Variants in CNGA3 observed in about 807,000 individuals in gnomAD.
CNGA3 encodes the protein cyclic nucleotide gated channel subunit alpha 3, also known as cyclic nucleotide-gated channel alpha-3.
Under a neutral mutation model 46.6 loss-of-function variants are expected in CNGA3, and 42 were observed. The observed-to-expected ratio is 0.90, with a 90% CI of 0.70 to 1.17. CNGA3 has a LOEUF of 1.17. CNGA3 is among the 50% of genes most tolerant of loss of function. The pLI, the probability that CNGA3 is intolerant of heterozygous loss-of-function variation, is 0.00. For synonymous variants in CNGA3, 394 were observed against 369.4 expected (o/e 1.07, Z -0.76); for missense variants, 893 against 890.7 (o/e 1.00, Z -0.03).
Position 98,396,840 on chromosome 2 carries a change from G to A in CNGA3, c.1670G>A (p.Gly557Glu). The A allele has an allele frequency of 1.2e-6, 2 of 1,614,170 alleles. No homozygotes were observed. Among genetic ancestry groups the A allele is most frequent in the Non-Finnish European group, 1.7e-6 (2 of 1,180,042 alleles). The change falls in exon 8 of 8, where the codon GGG (glycine) becomes GAG (glutamate). Residue 557 changes from glycine (G) to glutamate (E), a missense_variant. Physicochemically the swap from Gly to Glu is moderately conservative, Grantham distance 98. This residue lies in a region of CNGA3 where 548 missense variants were observed against 570.8 expected (regional missense o/e 0.96). Transcript: ENST00000272602. Reference sequence around the variant, plus strand: ...GAGATCAGCATTCTGAACATCAAGGGGAGCAAGTCGGGGAACCGCAGGACG... The same window carrying A: ...GAGATCAGCATTCTGAACATCAAGGAGAGCAAGTCGGGGAACCGCAGGACG... Reference protein sequence around the residue: ...FGEISILNIKGSKSGNRRTAN... With the variant: ...FGEISILNIKESKSGNRRTAN...
At chr2:98,368,422 A>C (rs1345145286) in intron 1 of CNGA3, among the ~76,000 whole-genome samples, 1 of 152,228 alleles carries the variant, frequency 6.6e-6, no homozygotes, top group Non-Finnish European at 1.5e-5. Flanking sequence ...TAGAGAAACC[A>C]TCCTCAGAAA....
At chr2:98,382,125 G>A (rs955676243) in intron 4 of CNGA3, among the ~76,000 whole-genome samples, 10 of 152,162 alleles carry the variant, frequency 6.6e-5, no homozygotes, top group Non-Finnish European at 1.2e-4. Flanking sequence ...GATCACTCGC[G>A]GGCAGGGTCA....
chr2:98,395,232 C>G (rs550793374), intron 7 of CNGA3, among the ~76,000 whole-genome samples: 2 of 151,738 alleles, frequency 1.3e-5, no homozygotes, highest in Admixed American at 1.3e-4. Context: ...TGTAGTGGTG[C>G]GATCTTGGCT....
intron 7 of CNGA3, 62 bp downstream of exon 7, chr2:98,392,032 CAGCATGGTGG>C: frequency 6.9e-7 from 1 of 1,444,104 alleles, no homozygotes; most frequent in East Asian, 2.3e-5. Flanking sequence ...CCGGGAGACC[CAGCATGGTGG>C]ATGGGACATT....
intron 1 of CNGA3, among the ~76,000 whole-genome samples, chr2:98,349,589 A>G (rs987380664): frequency 6.6e-6 from 1 of 152,184 alleles, no homozygotes; most frequent in Non-Finnish European, 1.5e-5. Flanking sequence ...AAGATGGGAG[A>G]TGAGCAAAGA....
In CNGA3 at chr2:98,396,318, T is replaced by A; in HGVS notation, c.1148T>A (p.Val383Glu). The A allele has an allele frequency of 6.2e-7, 1 of 1,611,574 alleles. No homozygotes were observed. The highest frequency in any genetic ancestry group is 8.5e-7 in the Non-Finnish European group (1 of 1,178,152). ...VKDEEYLFVV[V>E]DFLVGVLIFA... ...GATGAGGAGTATCTCTTTGTGGTCGTAGACTTCTTGGTGGGTGTTCTGATT... is the reference window on the plus strand; with the variant it reads ...GATGAGGAGTATCTCTTTGTGGTCGAAGACTTCTTGGTGGGTGTTCTGATT... The change falls in exon 8 of 8, where the codon GTA becomes GAA. Residue 383 changes from valine to glutamate, a missense_variant. Coordinates refer to ENST00000272602, the MANE Select transcript of CNGA3 (RefSeq NM_001298.3).
Position 98,366,777 on chromosome 2 carries a change from G to A in CNGA3, c.-37-3162G>A, listed in dbSNP as rs916255598. On this transcript the variant is annotated intron_variant, in intron 1 of 7. Transcript: ENST00000272602. ...GGCAGACTGGAACTCCAGTGATGGC[G>A]GCCACCCCTTTCCCCAGGAGCTCGG... Among the ~76,000 whole-genome samples the A allele has an allele frequency of 5.9e-5, 9 of 152,290 alleles. No individual in the cohort carries two copies. The Middle Eastern group carries it at 0.01, about 173-fold the overall frequency.
intron 1 of CNGA3, among the ~76,000 whole-genome samples, chr2:98,358,055 C>T (rs1691927317): frequency 6.6e-6 from 1 of 152,208 alleles, no homozygotes; most frequent in South Asian, 2.1e-4. Flanking sequence ...CCCAGGGGGC[C>T]CTGGCTAGAT....
intron 6 of CNGA3, 27 bp downstream of exon 6, chr2:98,389,801 C>T (rs775736111): frequency 1.6e-5 from 26 of 1,587,030 alleles, no homozygotes; most frequent in Middle Eastern, 2.2e-4. Context: ...GAAGGTGCAG[C>T]GGAAAGGGGG....
intron 5 of CNGA3, among the ~76,000 whole-genome samples, chr2:98,386,058 T>A (rs1692647006): frequency 6.6e-6 from 1 of 152,100 alleles, no homozygotes. Context: ...TGTAATAGGG[T>A]CTTATTACAT....
At position 98,378,230 on chromosome 2, in the gene CNGA3, T is replaced by C. The variant is rs1338083938; in HGVS notation, c.215+430T>C. 22 of 1,541,722 alleles carry C rather than the reference T, an allele frequency of 1.4e-5. No homozygotes were observed. The East Asian group carries it at 4.2e-4, about 29-fold the overall frequency. ...GTCTGGACCCCAGGGCAGGTAGGTG[T>C]CCTTGCAAAAGCATTTGTTTGCAAG... On this transcript the variant is annotated intron_variant, in intron 3 of 7. Transcript: ENST00000272602.
chr2:98,349,976 A>G (rs1215032767), intron 1 of CNGA3, among the ~76,000 whole-genome samples: 1 of 152,218 alleles, frequency 6.6e-6, no homozygotes, highest in Admixed American at 6.5e-5. Context: ...CAGTGATGCC[A>G]TTCAGAATAG....
chr2:98,382,429 G>A (rs763166897), intron 4 of CNGA3, among the ~76,000 whole-genome samples: 10 of 152,158 alleles, frequency 6.6e-5, no homozygotes, highest in South Asian at 6.2e-4. Context: ...CTAGAAACAA[G>A]CGGTTATGGC....
intron 1 of CNGA3, among the ~76,000 whole-genome samples, chr2:98,354,074 A>C (rs1334103658): frequency 6.6e-6 from 1 of 152,234 alleles, no homozygotes; most frequent in Non-Finnish European, 1.5e-5. Context: ...GATCCAAACC[A>C]TATCACCTAC....
intron 4 of CNGA3, among the ~76,000 whole-genome samples, chr2:98,381,110 G>A (rs978284392): frequency 8.5e-5 from 13 of 152,166 alleles, no homozygotes; most frequent in Admixed American, 7.2e-4. Flanking sequence ...AGTCTCCCCA[G>A]CAGGTGGTCT....
At chr2:98,382,910 C>A (rs7589617) in intron 4 of CNGA3, among the ~76,000 whole-genome samples, 1 of 152,106 alleles carries the variant, frequency 6.6e-6, no homozygotes, top group Non-Finnish European at 1.5e-5. Flanking sequence ...AAGAGGCCTT[C>A]GCAGCTGAGG....
Position 98,378,168 on chromosome 2 carries a change from A to G in CNGA3, c.215+368A>G, listed in dbSNP as rs1558811967. On this transcript the variant is annotated intron_variant, in intron 3 of 7. Coordinates refer to ENST00000272602, the MANE Select transcript of CNGA3 (RefSeq NM_001298.3). The stretch of plus-strand genomic sequence containing the variant: ...TGGTGTGCTGAGGATGGTGGTGATG[A>G]GTCTGAAATGGCTCTGGCAGGGTCT... 3.9e-6 allele frequency: 6 copies of G among 1,550,640 alleles called. No homozygotes were observed. In the South Asian group the frequency reaches 4.8e-5, roughly 12 times the overall value.
chr2:98,356,628 T>G (rs892585901), intron 1 of CNGA3, among the ~76,000 whole-genome samples: 6 of 152,186 alleles, frequency 3.9e-5, no homozygotes, highest in Admixed American at 3.3e-4. Context: ...ACCTCTGTGT[T>G]GTCTCTCCAT....
chr2:98,377,378 C>T, intron 2 of CNGA3: 2 of 312,326 alleles, frequency 6.4e-6, no homozygotes, highest in East Asian at 6.6e-5. Context: ...CTTGAAATGG[C>T]AAGCCCCGGG....
Sources: gnomAD v4.1 joint callset for allele counts (sites outside exome capture counted in the v4.1 genomes callset) on GRCh38, gnomAD v4.1.1 for gene constraint, gnomAD v4.1.1 regional missense constraint, MANE v1.5 for transcripts, NCBI Gene and HGNC (gene_info 2026-07-23, HGNC 2026-07-21) for gene names.